ACSM2A: variants seen among roughly 807,000 people sequenced by gnomAD.
The protein encoded by ACSM2A is acyl-CoA synthetase medium chain family member 2A, also known as acyl-coenzyme A synthetase ACSM2A, mitochondrial.
ACSM2A carries 72 observed loss-of-function variants against 76.6 expected under a neutral mutation model. The ratio of observed to expected loss-of-function variants is 0.94; its 90% CI spans 0.78 to 1.14. The LOEUF is 1.14. Among genes scored for constraint, ACSM2A ranks in the 50% most tolerant of loss-of-function variants. The pLI, the probability that ACSM2A is intolerant of heterozygous loss-of-function variation, is 0.00. For synonymous variants in ACSM2A, 249 were observed against 255.9 expected, an observed-to-expected ratio of 0.97 and a Z score of 0.26; for missense variants, 684 against 708.5, an observed-to-expected ratio of 0.97 and a Z score of 0.39.
At chr16:20,477,895 T>C (rs530397236) in intron 9 of ACSM2A, among the ~76,000 whole-genome samples, 2 of 152,342 alleles carry the variant, frequency 1.3e-5, no homozygotes, top group South Asian at 2.1e-4. Flanking sequence ...CAAGGGATGA[T>C]GTCCCAGTTT....
intron 1 of ACSM2A, among the ~76,000 whole-genome samples, chr16:20,456,856 A>C (rs1157958026): frequency 6.6e-6 from 1 of 151,402 alleles, no homozygotes; most frequent in African/African-American, 2.4e-5. Flanking sequence ...AAATGAAACA[A>C]AATCTGGTTC....
At position 20,459,406 on chromosome 16, in the gene ACSM2A, A is replaced by G. The variant is rs181853077; in HGVS notation, c.-8-701A>G. Among the ~76,000 whole-genome samples, 10 of 152,334 alleles carry G rather than the reference A, an allele frequency of 6.6e-5. No homozygotes were observed. The East Asian group carries it at 1.9e-3, about 29-fold the overall frequency. On this transcript the variant is annotated intron_variant, in intron 1 of 13. Coordinates refer to ENST00000573854, the MANE Select transcript of ACSM2A (RefSeq NM_001308172.2). Reference sequence around the variant, plus strand: ...CTTTAAAGAAAAGGATGCTACTTGTATTAGTTAGCATTTGCTACAGTAACA... The same window carrying G: ...CTTTAAAGAAAAGGATGCTACTTGTGTTAGTTAGCATTTGCTACAGTAACA...
rs374225259 is a variant in ACSM2A, at chr16:20,475,653, C to T, written c.978C>T (p.Tyr326=). The T allele has an allele frequency of 2.5e-6, 4 of 1,613,844 alleles. No homozygotes were observed. The African/African-American group carries it at 5.3e-5, about 22-fold the overall frequency. The change falls in exon 8 of 14, where the codon TAC becomes TAT. Residue 326 remains tyrosine, a synonymous_variant. Transcript: ENST00000573854. ...RMLLQQDLSS[Y]KFPHLQNCVT... Reference sequence around the variant, plus strand: ...AACATTTATTTCTCTTCTTCAGTTACAAGTTCCCCCATCTACAGAACTGCG... The same window carrying T: ...AACATTTATTTCTCTTCTTCAGTTATAAGTTCCCCCATCTACAGAACTGCG...
At chr16:20,467,436 T>A (rs576101924) in intron 3 of ACSM2A, among the ~76,000 whole-genome samples, 38 of 152,208 alleles carry the variant, frequency 2.5e-4, no homozygotes, top group African/African-American at 8.9e-4. Context: ...GGATGCTCAA[T>A]AGGGAATGGG....
At chr16:20,452,129 GA>G (rs2011792820) in intron 1 of ACSM2A, 2 of 151,566 alleles carry the variant, frequency 1.3e-5, no homozygotes, top group South Asian at 4.2e-4. Flanking sequence ...GGTTAATACT[GA>G]GTGTCAATTG....
intron 1 of ACSM2A, among the ~76,000 whole-genome samples, chr16:20,454,883 C>G (rs151067477): frequency 7.8e-5 from 11 of 140,372 alleles, no homozygotes; most frequent in Admixed American, 1.4e-4. Context: ...ACCAGAAAAG[C>G]TGAAGTCCAA....
Position 20,475,688 on chromosome 16 carries a change from G to A in ACSM2A, c.1013G>A (p.Gly338Glu). ...CATCTACAGAACTGCGTCACTGTAGGGGAGTCCCTTCTTCCAGAAACTCTG... is the reference window on the plus strand; with the variant it reads ...CATCTACAGAACTGCGTCACTGTAGAGGAGTCCCTTCTTCCAGAAACTCTG... ...FPHLQNCVTV[G>E]ESLLPETLEN... The change falls in exon 8 of 14, where the codon GGG (glycine) becomes GAG (glutamate). Residue 338 changes from glycine to glutamate, a missense_variant. Physicochemically the swap from Gly to Glu is moderately conservative, Grantham distance 98 (BLOSUM62 -2). Around this residue, in one of 3 missense-constraint regions of ACSM2A, gnomAD observed 519 missense variants for 549.5 expected, o/e 0.94. Coordinates refer to ENST00000573854, the MANE Select transcript of ACSM2A (RefSeq NM_001308172.2). 6.2e-7 allele frequency: 1 copy of A among 1,613,998 alleles called. No individual in the cohort carries two copies. Among genetic ancestry groups the A allele is most frequent in the Non-Finnish European group, 8.5e-7 (1 of 1,179,928 alleles).
At position 20,487,353 on chromosome 16, in the gene ACSM2A, C is replaced by A. The variant is rs535756244; in HGVS notation, c.*675C>A. ...GAAAGGCCGTGGCACCTTCTTATAC[C>A]CTAGAAGAAGACCTCCATACAGGAA... On this transcript the variant is annotated 3_prime_UTR_variant, in exon 14 of 14. Coordinates refer to ENST00000573854, the MANE Select transcript of ACSM2A (RefSeq NM_001308172.2). 2.0e-5 allele frequency: 3 copies of A among 152,292 alleles called. No homozygotes were observed. In the East Asian group the frequency reaches 5.8e-4, roughly 29 times the overall value. 9.4% of individuals were successfully genotyped at this position (152,292 alleles called of 1,614,324 possible).
Position 20,455,166 on chromosome 16 carries a change from A to C in ACSM2A, c.-9+3485A>C, listed in dbSNP as rs572882445. On this transcript the variant is annotated intron_variant, in intron 1 of 13. Transcript: ENST00000573854. Reference sequence around the variant, plus strand: ...GGGATTGTGTTAAATGATCAAATCTAAGAATAATTGGCATCCTTGAGATAG... The same window carrying C: ...GGGATTGTGTTAAATGATCAAATCTCAGAATAATTGGCATCCTTGAGATAG... Among the ~76,000 whole-genome samples, 22 of 151,578 alleles carry C rather than the reference A, an allele frequency of 1.5e-4. No homozygotes were observed. The South Asian group carries it at 2.9e-3, about 20-fold the overall frequency.
chr16:20,486,457 A>G (rs1448308415), intron 13 of ACSM2A, 117 bp from the exon 14 acceptor site: 10 of 1,102,704 alleles, frequency 9.1e-6, no homozygotes, highest in South Asian at 8.5e-5. Context: ...TGCACAGGGC[A>G]GCTGCCCTGA....
At chr16:20,468,355 T>C (rs1191300137) in intron 3 of ACSM2A, among the ~76,000 whole-genome samples, 1 of 152,190 alleles carries the variant, frequency 6.6e-6, no homozygotes, top group East Asian at 1.9e-4. Flanking sequence ...GTGTAGTTAT[T>C]CTGTTCTTTT....
Position 20,465,703 on chromosome 16 carries a change from G to A in ACSM2A, c.364G>A (p.Val122Met). 6.2e-7 allele frequency: 1 copy of A among 1,613,928 alleles called. No individual in the cohort carries two copies. Residue 122 changes from valine (V) to methionine (M), a missense_variant, in exon 3 of 14, where the codon GTG (valine) becomes ATG (methionine). Transcript: ENST00000573854. ...VLPRVPEWWL[V>M]ILGCIRAGLI... ...GCCCCGAGTGCCTGAGTGGTGGCTG[G>A]TGATCCTGGGCTGCATTCGAGCAGG...
chr16:20,485,076 C>T (rs541226934), intron 13 of ACSM2A, among the ~76,000 whole-genome samples: 13 of 152,076 alleles, frequency 8.5e-5, no homozygotes, highest in Non-Finnish European at 1.5e-4. Context: ...TGCTGTTACC[C>T]CTTCACAGAT....
At chr16:20,462,275 C>A (rs956202784) in intron 2 of ACSM2A, among the ~76,000 whole-genome samples, 28 of 152,050 alleles carry the variant, frequency 1.8e-4, no homozygotes, top group African/African-American at 6.5e-4. Flanking sequence ...AGAATTGAGA[C>A]CCCTACCATC....
At chr16:20,479,660 A>T (rs2013972296) in intron 10 of ACSM2A, among the ~76,000 whole-genome samples, 1 of 152,202 alleles carries the variant, frequency 6.6e-6, no homozygotes. Context: ...CCCTTCTCCA[A>T]GCATTTCCTT....
intron 1 of ACSM2A, among the ~76,000 whole-genome samples, chr16:20,459,679 C>G (rs1315727744): frequency 2.0e-5 from 3 of 152,082 alleles, no homozygotes; most frequent in Non-Finnish European, 4.4e-5. Flanking sequence ...CATGAGCAAG[C>G]CAAAGTCAAT....
intron 10 of ACSM2A, among the ~76,000 whole-genome samples, chr16:20,479,400 A>C (rs28418429): frequency 0.028 from 4,220 of 152,246 alleles, 185 homozygotes; most frequent in African/African-American, 0.093. Context: ...TTTAAACTTT[A>C]AACTCGTTTA....
At chr16:20,472,808 C>G (rs2013499685) in intron 6 of ACSM2A, among the ~76,000 whole-genome samples, 2 of 152,152 alleles carry the variant, frequency 1.3e-5, no homozygotes, top group Admixed American at 1.3e-4. Flanking sequence ...TTGCATGTAT[C>G]AGATGTTTGT....
chr16:20,467,384 G>A (rs868115081), intron 3 of ACSM2A, among the ~76,000 whole-genome samples: 1 of 150,024 alleles, frequency 6.7e-6, no homozygotes, highest in Non-Finnish European at 1.5e-5. Context: ...AACCATTGAT[G>A]CACTGAGTGA....
Sources: gnomAD v4.1 joint callset for allele counts (sites outside exome capture counted in the v4.1 genomes callset) on GRCh38, gnomAD v4.1.1 for gene constraint, gnomAD v4.1.1 regional missense constraint, MANE v1.5 for transcripts, NCBI Gene and HGNC (gene_info 2026-07-23, HGNC 2026-07-21) for gene names.